RADIL: variants seen among roughly 807,000 people sequenced by gnomAD.
RADIL encodes Rap associating with DIL domain, also known as ras-associating and dilute domain-containing protein.
RADIL carries 99 observed loss-of-function variants against 97.6 expected under a neutral mutation model. That is an observed-to-expected ratio of 1.01 (90% CI 0.86 to 1.20). RADIL has a LOEUF of 1.20. Ranked by LOEUF, RADIL falls within the 50% of genes most tolerant of loss-of-function variation. The pLI is 0.00. For missense variants in RADIL, 1,765 were observed against 1,498.9 expected (o/e 1.18, Z -2.93); for synonymous variants, 803 against 691.8 (o/e 1.16, Z -2.52).
chr7:4,853,516 G>C (rs1783757420), intron 2 of RADIL, among the ~76,000 whole-genome samples: 1 of 152,118 alleles, frequency 6.6e-6, no homozygotes, highest in Non-Finnish European at 1.5e-5. Flanking sequence ...GCCAGGGCGG[G>C]CAGATGACCT....
At chr7:4,853,115 G>A (rs1783748257) in intron 2 of RADIL, among the ~76,000 whole-genome samples, 1 of 152,168 alleles carries the variant, frequency 6.6e-6, no homozygotes, top group Non-Finnish European at 1.5e-5. Context: ...TTTTGCATGT[G>A]GGTGTAGCTA....
In RADIL at chr7:4,817,762, G is replaced by A. The variant is rs1420512258; in HGVS notation, c.1616-411C>T. Among the ~76,000 whole-genome samples, 1 of 152,198 alleles carries A rather than the reference G, an allele frequency of 6.6e-6. No individual in the cohort carries two copies. Among genetic ancestry groups the A allele is most frequent in the Non-Finnish European group, 1.5e-5 (1 of 68,024 alleles). On this transcript the variant is annotated intron_variant, in intron 6 of 14. Coordinates refer to ENST00000399583, the MANE Select transcript of RADIL (RefSeq NM_018059.5). The surrounding 1 kb of genome is among the most constrained non-coding windows in gnomAD (Gnocchi z 8.3). ...AGGACTCTGGCAGCAGCCCCTGAGT[G>A]GCCGCCACTCTGTGGAATCATAAGT...
At chr7:4,828,823 G>A (rs1387237579) in intron 5 of RADIL, among the ~76,000 whole-genome samples, 1 of 152,222 alleles carries the variant, frequency 6.6e-6, no homozygotes, top group Non-Finnish European at 1.5e-5. Context: ...GGAACACACA[G>A]CACGAGCGGG....
chr7:4,832,392 G>C (rs7455996), intron 4 of RADIL, among the ~76,000 whole-genome samples: 76,298 of 151,928 alleles, frequency 0.5, 21,125 homozygotes, highest in African/African-American at 0.73. Flanking sequence ...CTACAAGTTT[G>C]CTACAATAGA....
chr7:4,877,388 T>C (rs529266301), intron 2 of RADIL, among the ~76,000 whole-genome samples: 218 of 152,348 alleles, frequency 1.4e-3, no homozygotes, highest in Non-Finnish European at 2.4e-3. Context: ...TGAGCTGTGG[T>C]TGCACCACTG....
In RADIL at chr7:4,834,536, G is replaced by A. The variant is rs944285875; in HGVS notation, c.1416+71C>T. On this transcript the variant is annotated intron_variant, in intron 4 of 14. Transcript: ENST00000399583. This position sits in a 1 kb window ranked among gnomAD's most constrained non-coding sequence, Gnocchi z 6.0. The stretch of plus-strand genomic sequence containing the variant: ...ATAGAGGCGCTCCCGCCTCCCAGCC[G>A]GGGCCAGCTCCGGGCCCCCTCTTCC... The A allele has an allele frequency of 2.6e-5, 33 of 1,276,408 alleles. No homozygotes were observed. The East Asian group carries it at 6.0e-4, about 23-fold the overall frequency. The allele number at this position is 1,276,408 out of a possible 1,614,324, so 79.1% of individuals were successfully genotyped here. A position where few individuals can be genotyped will look rare whatever the true frequency, so the allele number is the denominator to read the frequency against.
In RADIL at chr7:4,832,084, T is replaced by A. The variant is rs556074693; in HGVS notation, c.1454+57A>T. The A allele has an allele frequency of 1.3e-5, 20 of 1,584,558 alleles. 1 individual carries two copies. In the South Asian group the frequency reaches 2.0e-4, roughly 16 times the overall value. On this transcript the variant is annotated intron_variant, in intron 5 of 14. Transcript: ENST00000399583. ...CTCGGGACTTGGCTCCCCCGGGAAG[T>A]GTGAGCCCCCAGGACCTGCTGCCCA...
intron 2 of RADIL, chr7:4,861,592 T>C (rs1783999467): frequency 6.2e-7 from 1 of 1,612,080 alleles, no homozygotes; most frequent in South Asian, 1.1e-5. Context: ...TCCATTCCTT[T>C]ACCAGATTAT....
In RADIL at chr7:4,815,492, C is replaced by T; in HGVS notation, c.1967-42G>A. 1 of 1,455,502 alleles carries T rather than the reference C, an allele frequency of 6.9e-7. No homozygotes were observed. The highest frequency in any genetic ancestry group is 1.4e-5 in the South Asian group (1 of 69,372). The allele number at this position is 1,455,502 out of a possible 1,614,324, so 90.2% of individuals were successfully genotyped here. ...GGAGGGTGATGCCTGGGCTGCCCTC[C>T]TGGGGGGACACAGACATGGGCCTGT... is the stretch of plus-strand genomic sequence containing the variant. On this transcript the variant is annotated intron_variant, in intron 8 of 14. Coordinates refer to ENST00000399583, the MANE Select transcript of RADIL (RefSeq NM_018059.5). The surrounding 1 kb of genome is among the most constrained non-coding windows in gnomAD (Gnocchi z 8.0).
In RADIL at chr7:4,817,351, C is replaced by A; in HGVS notation, c.1616G>T (p.Gly539Val). 6.2e-7 allele frequency: 1 copy of A among 1,610,396 alleles called. No individual in the cohort carries two copies. Among genetic ancestry groups the A allele is most frequent in the Middle Eastern group, 1.7e-4 (1 of 6,046 alleles). Residue 539 changes from glycine (G) to valine (V), a missense_variant and splice_region_variant, in exon 7 of 15, where the codon GGC (glycine) becomes GTC (valine). By Grantham distance (109) the Gly-to-Val change is moderately radical. Transcript: ENST00000399583. This position sits in a 1 kb window ranked among gnomAD's most constrained non-coding sequence, Gnocchi z 8.3. ...QSMEEQLDIT[G>V]SKESLFSCTL... ...GCAGGAGAACAGCGATTCCTTCGAG[C>A]CTGCCGGGAGACAGCCACGCCAATG... is the stretch of plus-strand genomic sequence containing the variant.
rs1421505047 is a variant in RADIL, at chr7:4,873,716, A to T, written c.535+3889T>A. 6.6e-6 allele frequency among the ~76,000 whole-genome samples: 1 copy of T among 152,230 alleles called. No homozygotes were observed. Among genetic ancestry groups the T allele is most frequent in the Non-Finnish European group, 1.5e-5 (1 of 68,028 alleles). On this transcript the variant is annotated intron_variant, in intron 2 of 14. Coordinates refer to ENST00000399583, the MANE Select transcript of RADIL (RefSeq NM_018059.5). This position sits in a 1 kb window ranked among gnomAD's most constrained non-coding sequence, Gnocchi z 4.3. The stretch of plus-strand genomic sequence containing the variant: ...CCACACTGAGGGCCACTCTCAGGAC[A>T]AACAGACACCACAGCAGCCCCATCG...
rs1206680892 is a variant in RADIL, at chr7:4,799,674, G to T, written c.3078C>A (p.Ile1026=). ...ADGRLSLGDR[I]LEVNGSSLLG... Reference sequence around the variant, plus strand: ...GGAGGCTGCTGCCATTCACCTCCAGGATACGGTCCCCCAGCGACAGGCGCC... The same window carrying T: ...GGAGGCTGCTGCCATTCACCTCCAGTATACGGTCCCCCAGCGACAGGCGCC... Residue 1026 remains isoleucine, a synonymous_variant, in exon 14 of 15, where the codon ATC becomes ATA. Coordinates refer to ENST00000399583, the MANE Select transcript of RADIL (RefSeq NM_018059.5). 1 of 1,594,690 alleles carries T rather than the reference G, an allele frequency of 6.3e-7. No homozygotes were observed. Among genetic ancestry groups the T allele is most frequent in the South Asian group, 1.1e-5 (1 of 88,592 alleles).
At chr7:4,829,354 C>T (rs769905451) in intron 5 of RADIL, among the ~76,000 whole-genome samples, 64 of 152,136 alleles carry the variant, frequency 4.2e-4, no homozygotes, top group Admixed American at 1.4e-3. Flanking sequence ...CTCTGGGGAG[C>T]GGGTGTTTGC....
intron 5 of RADIL, among the ~76,000 whole-genome samples, chr7:4,831,147 C>T (rs1214637969): frequency 1.3e-5 from 2 of 150,462 alleles, no homozygotes; most frequent in Non-Finnish European, 2.9e-5. Flanking sequence ...GCCGAGATCT[C>T]ATTATTGCAC....
chr7:4,836,229 G>C, intron 3 of RADIL, 129 bp downstream of exon 3: 1 of 1,390,908 alleles, frequency 7.2e-7, no homozygotes, highest in Non-Finnish European at 9.8e-7. Flanking sequence ...CCTCGGCACA[G>C]CCAGAGGGGC....
chr7:4,806,841 G>A (rs1242313826), intron 9 of RADIL, among the ~76,000 whole-genome samples: 2 of 152,190 alleles, frequency 1.3e-5, no homozygotes, highest in African/African-American at 2.4e-5. Context: ...GTGCTGTTTT[G>A]TCCTGTGACT....
Position 4,849,267 on chromosome 7 carries a change from G to A in RADIL, c.536-12662C>T, listed in dbSNP as rs1783652647. Among the ~76,000 whole-genome samples, 1 of 152,110 alleles carries A rather than the reference G, an allele frequency of 6.6e-6. No homozygotes were observed. ...AGAACTGCTGTTTTGCTTTTAATCGGTAATGAGAAACTATTGCTTTAACTG... is the reference window on the plus strand; with the variant it reads ...AGAACTGCTGTTTTGCTTTTAATCGATAATGAGAAACTATTGCTTTAACTG... On this transcript the variant is annotated intron_variant, in intron 2 of 14. Coordinates refer to ENST00000399583, the MANE Select transcript of RADIL (RefSeq NM_018059.5). The surrounding 1 kb of genome is among the most constrained non-coding windows in gnomAD (Gnocchi z 5.4).
chr7:4,874,586 G>C (rs1323336204), intron 2 of RADIL, among the ~76,000 whole-genome samples: 1 of 152,224 alleles, frequency 6.6e-6, no homozygotes, highest in Non-Finnish European at 1.5e-5. Flanking sequence ...AGGCCCAGGG[G>C]GCCAGCTCTG....
chr7:4,864,019 T>C (rs759732892), intron 2 of RADIL, among the ~76,000 whole-genome samples: 34 of 152,238 alleles, frequency 2.2e-4, no homozygotes, highest in Non-Finnish European at 2.8e-4. Flanking sequence ...TGATTTCTTA[T>C]ATTTATCCAA....
Sources: allele counts gnomAD v4.1 joint callset (sites outside exome capture counted in the v4.1 genomes callset), GRCh38; gene constraint gnomAD v4.1.1; non-coding constraint Gnocchi (gnomAD v3.1); transcripts MANE v1.5; gene names NCBI Gene and HGNC (gene_info 2026-07-23, HGNC 2026-07-21).